The following POLI variants were observed in gnomAD, a reference collection of about 807,000 sequenced individuals.
POLI encodes RAD30 homolog B.
A neutral mutation model predicts 51.6 loss-of-function variants in POLI; 58 were observed. The observed-to-expected ratio is 1.12, with a 90% confidence interval of 0.91 to 1.40. The LOEUF is 1.40. POLI is among the 40% of genes most tolerant of loss of function. The pLI is 0.00. For synonymous variants in POLI, 322 were observed against 299.7 expected, an observed-to-expected ratio of 1.07 and a Z score of -0.77; for missense variants, 921 against 871.3, an observed-to-expected ratio of 1.06 and a Z score of -0.72.
At chr18:54,287,077 T>C (rs951273639) in intron 7 of POLI, among the ~76,000 whole-genome samples, 1 of 152,258 alleles carries the variant, frequency 6.6e-6, no homozygotes, top group African/African-American at 2.4e-5. Flanking sequence ...GCTTGACATC[T>C]AAACATTCAG....
chr18:54,313,652 A>T (rs1045655330), intron 3 of POLI, among the ~76,000 whole-genome samples: 5 of 151,956 alleles, frequency 3.3e-5, no homozygotes, highest in African/African-American at 7.3e-5. Context: ...TGTAATTCTC[A>T]TTGTAGAGAT....
chr18:54,281,358 A>T (rs1441652390), intron 5 of POLI, among the ~76,000 whole-genome samples: 2 of 152,174 alleles, frequency 1.3e-5, no homozygotes, highest in Non-Finnish European at 1.5e-5. Flanking sequence ...ACTGATTTCC[A>T]TGAGGAGTTC....
intron 3 of POLI, among the ~76,000 whole-genome samples, chr18:54,305,915 C>T (rs955694301): frequency 1.4e-4 from 22 of 151,990 alleles, no homozygotes; most frequent in South Asian, 6.2e-4. Context: ...CCTGCCACTA[C>T]GCCTGGCTAA....
intron 3 of POLI, among the ~76,000 whole-genome samples, chr18:54,308,917 G>GCCC: frequency 1.3e-5 from 2 of 152,140 alleles, no homozygotes; most frequent in South Asian, 4.1e-4. Context: ...CTTGTGCCAT[G>GCCC]GTTTTCAGCT....
chr18:54,299,725 A>G (rs1308106917), downstream of POLI, among the ~76,000 whole-genome samples: 2 of 152,166 alleles, frequency 1.3e-5, no homozygotes, highest in Non-Finnish European at 2.9e-5. Flanking sequence ...AACAATGGAG[A>G]AATTTTTCCA....
At position 54,269,630 on chromosome 18, in the gene POLI, G is replaced by A; in HGVS notation, c.84G>A (p.Leu28=). ...EEDAEAWAME[L]ADVGAAASSQ... ...ACGCCGAGGCCTGGGCCATGGAACT[G>A]GCGGACGTGGGGGCGGCAGCCAGCT... is the stretch of plus-strand genomic sequence containing the variant. The change falls in exon 1 of 10, where the codon CTG becomes CTA. Residue 28 remains leucine, a synonymous_variant. Transcript: ENST00000579534. The A allele has an allele frequency of 2.0e-6, 3 of 1,509,652 alleles. No homozygotes were observed. Among genetic ancestry groups the A allele is most frequent in the Non-Finnish European group, 2.7e-6 (3 of 1,131,726 alleles). The allele number at this position is 1,509,652 out of a possible 1,614,324, so 93.5% of individuals were successfully genotyped here.
chr18:54,275,219 G>A (rs984597763), intron 3 of POLI, among the ~76,000 whole-genome samples: 3 of 152,120 alleles, frequency 2.0e-5, no homozygotes, highest in African/African-American at 7.2e-5. Flanking sequence ...CAGCACTTTT[G>A]GAGCTGAGGT....
intron 2 of POLI, among the ~76,000 whole-genome samples, chr18:54,272,974 A>G (rs1230034283): frequency 2.0e-5 from 3 of 152,110 alleles, no homozygotes; most frequent in Admixed American, 6.5e-5. Flanking sequence ...GTTGTTTATG[A>G]TATCAAAATT....
At chr18:54,311,112 A>G in intron 3 of POLI, 1 of 984,446 alleles carries the variant, frequency 1.0e-6, no homozygotes, top group African/African-American at 1.7e-5. Flanking sequence ...AGAAAGTGAA[A>G]TCAGTATGCT....
In POLI at chr18:54,296,079, T is replaced by C. The variant is rs2088312692; in HGVS notation, c.*1612T>C. ...TTCACCATGCAAATATTTAGTACTC[T>C]GAATCAAGGAACATAGTATTTTTTA... On this transcript the variant is annotated 3_prime_UTR_variant, in exon 10 of 10. Transcript: ENST00000579534. 1.0e-5 allele frequency: 10 copies of C among 984,964 alleles called. No homozygotes were observed. The highest frequency in any genetic ancestry group is 1.1e-5 in the Non-Finnish European group (9 of 829,512). 61.0% of individuals were successfully genotyped at this position (984,964 alleles called of 1,614,324 possible).
rs139346598 is a variant in POLI, at chr18:54,308,720, A to G, written c.334-11553A>G. 1.1e-3 allele frequency among the ~76,000 whole-genome samples: 161 copies of G among 152,324 alleles called. 1 individual carries two copies. The Middle Eastern group carries it at 0.017, about 16-fold the overall frequency. On this transcript the variant is annotated intron_variant, in intron 3 of 4. Coordinates refer to the POLI transcript ENST00000579823. ...CTCCTCGTCACTTTCAAGTACACCAATCAAATGTAGATTTGGTCTTTTCAC... is the reference window on the plus strand; with the variant it reads ...CTCCTCGTCACTTTCAAGTACACCAGTCAAATGTAGATTTGGTCTTTTCAC...
At position 54,271,347 on chromosome 18, in the gene POLI, G is replaced by A. The variant is rs371612124; in HGVS notation, c.116-13G>A. On this transcript the variant is annotated splice_polypyrimidine_tract_variant and intron_variant, in intron 1 of 9. Transcript: ENST00000579534. ...AGCCTGAATTTCTTTTTATTTCTTT[G>A]CATATTGTGCAGGAGTTCATGATCA... 9.0e-5 allele frequency: 144 copies of A among 1,593,454 alleles called. No homozygotes were observed. Among genetic ancestry groups the A allele is most frequent in the Non-Finnish European group, 1.2e-4 (141 of 1,171,614 alleles).
At chr18:54,317,804 G>A (rs561710646) in intron 3 of POLI, among the ~76,000 whole-genome samples, 2 of 152,170 alleles carry the variant, frequency 1.3e-5, no homozygotes, top group African/African-American at 2.4e-5. Flanking sequence ...GGTCAAAGCT[G>A]CAGTGAGCTA....
intron 6 of POLI, among the ~76,000 whole-genome samples, 157 bp downstream of exon 6, chr18:54,283,172 T>C (rs2087593967): frequency 6.6e-6 from 1 of 152,194 alleles, no homozygotes; most frequent in Non-Finnish European, 1.5e-5. Context: ...ATTGGATTAA[T>C]AAGTATTCTT....
intron 3 of POLI, among the ~76,000 whole-genome samples, chr18:54,318,921 C>A (rs1050449828): frequency 6.6e-6 from 1 of 152,152 alleles, no homozygotes; most frequent in East Asian, 1.9e-4. Flanking sequence ...TACTGGAATA[C>A]CTTTCCAGAT....
At chr18:54,315,151 G>T (rs2088717264) in intron 3 of POLI, among the ~76,000 whole-genome samples, 1 of 151,790 alleles carries the variant, frequency 6.6e-6, no homozygotes, top group Non-Finnish European at 1.5e-5. Flanking sequence ...CAAATATTTT[G>T]GTATGCTATG....
intron 7 of POLI, among the ~76,000 whole-genome samples, chr18:54,284,904 G>A (rs946097980): frequency 2.2e-4 from 34 of 152,178 alleles, no homozygotes; most frequent in African/African-American, 3.9e-4. Flanking sequence ...ATCTGTTTTC[G>A]TCCCATTTCT....
At chr18:54,274,112 CT>C in intron 3 of POLI, 22 bp downstream of exon 3, 2 of 1,293,316 alleles carry the variant, frequency 1.5e-6, no homozygotes, top group Non-Finnish European at 2.0e-6. Context: ...AAGCAATGTA[CT>C]TTTAGCATTA....
chr18:54,313,895 A>T (rs116451721), intron 3 of POLI, among the ~76,000 whole-genome samples: 82 of 152,300 alleles, frequency 5.4e-4, no homozygotes, highest in African/African-American at 1.9e-3. Context: ...ATTGTCTGCA[A>T]ACGGGGATAG....
Sources: allele counts gnomAD v4.1 joint callset (sites outside exome capture counted in the v4.1 genomes callset), GRCh38; gene constraint gnomAD v4.1.1; transcripts MANE v1.5; gene names NCBI Gene and HGNC (gene_info 2026-07-23, HGNC 2026-07-21).